The following ANKS1B variants were observed in gnomAD, a reference collection of about 807,000 sequenced individuals.
ANKS1B encodes ankyrin repeat and sterile alpha motif domain-containing protein 1B.
In ANKS1B, 36 loss-of-function variants were observed where a neutral mutation model predicts 148.3. The observed-to-expected ratio is 0.24, with a 90% CI of 0.19 to 0.32. The LOEUF (loss-of-function observed/expected upper bound fraction) is 0.32. Ranked by LOEUF, ANKS1B falls within the 10% of genes least tolerant of loss-of-function variation. The pLI is 1.00. For synonymous variants in ANKS1B, 542 were observed against 560.8 expected (o/e 0.97, Z 0.47); for missense variants, 1,157 against 1,542.6 (o/e 0.75, Z 4.19).
intron 17 of ANKS1B, among the ~76,000 whole-genome samples, chr12:98,967,092 G>A (rs1050391668): frequency 2.0e-5 from 3 of 152,108 alleles, no homozygotes; most frequent in African/African-American, 7.2e-5. Context: ...TGCCAAGTGT[G>A]GAATCACCAC....
chr12:99,285,351 A>T (rs2078992125), intron 12 of ANKS1B, among the ~76,000 whole-genome samples: 1 of 152,182 alleles, frequency 6.6e-6, no homozygotes, highest in Non-Finnish European at 1.5e-5. Context: ...TAATTTATTT[A>T]TCCATTCACC....
chr12:99,241,986 C>T (rs896530939), intron 14 of ANKS1B, among the ~76,000 whole-genome samples: 40 of 152,180 alleles, frequency 2.6e-4, no homozygotes, highest in African/African-American at 8.9e-4. Context: ...TGAAAACCGG[C>T]GAAAGACAGG....
chr12:99,002,795 T>C (rs910172932), intron 17 of ANKS1B, among the ~76,000 whole-genome samples: 8 of 152,204 alleles, frequency 5.3e-5, no homozygotes, highest in Admixed American at 1.3e-4. Flanking sequence ...GGTAGTTTTT[T>C]TCATTCTGTT....
At position 98,885,092 on chromosome 12, in the gene ANKS1B, C is replaced by G. The variant is rs1377694356; in HGVS notation, c.2779-52956G>C. Among the ~76,000 whole-genome samples, 3 of 152,114 alleles carry G rather than the reference C, an allele frequency of 2.0e-5. No homozygotes were observed. In the East Asian group the frequency reaches 5.8e-4, roughly 29 times the overall value. On this transcript the variant is annotated intron_variant, in intron 17 of 26. Coordinates refer to ENST00000683438, the MANE Select transcript of ANKS1B (RefSeq NM_001352186.2). ...CTCATCTTTCACATTAATTCATTAGCAAGATCTCTAGGTTCCATCTCTAAA... is the reference window on the plus strand; with the variant it reads ...CTCATCTTTCACATTAATTCATTAGGAAGATCTCTAGGTTCCATCTCTAAA...
intron 12 of ANKS1B, among the ~76,000 whole-genome samples, chr12:99,332,248 TC>T (rs1285653158): frequency 1.3e-5 from 2 of 152,072 alleles, no homozygotes; most frequent in African/African-American, 2.4e-5. Flanking sequence ...CGTAGATGAT[TC>T]ATGCGCACAT....
At chr12:98,914,028 G>C (rs932109188) in intron 17 of ANKS1B, among the ~76,000 whole-genome samples, 1 of 152,102 alleles carries the variant, frequency 6.6e-6, no homozygotes, top group Admixed American at 6.6e-5. Flanking sequence ...TATGTGATAT[G>C]GTTTGGATAT....
intron 16 of ANKS1B, among the ~76,000 whole-genome samples, chr12:99,055,635 C>G (rs577019625): frequency 5.3e-5 from 8 of 152,028 alleles, no homozygotes; most frequent in Non-Finnish European, 1.0e-4. Flanking sequence ...GTTTGCTTGT[C>G]CCTCCAATCC....
intron 14 of ANKS1B, among the ~76,000 whole-genome samples, chr12:99,231,175 T>G (rs1259769115): frequency 6.6e-6 from 1 of 152,138 alleles, no homozygotes; most frequent in Non-Finnish European, 1.5e-5. Flanking sequence ...TTCAGGGCTA[T>G]GACTCATTTA....
chr12:99,382,150 G>C (rs1034995593), intron 12 of ANKS1B, among the ~76,000 whole-genome samples: 3 of 152,244 alleles, frequency 2.0e-5, no homozygotes, highest in African/African-American at 4.8e-5. Flanking sequence ...TCACACACAG[G>C]GTAGAGAAAA....
intron 1 of ANKS1B, among the ~76,000 whole-genome samples, chr12:99,915,437 A>G (rs760747642): frequency 3.3e-5 from 5 of 152,150 alleles, no homozygotes; most frequent in Non-Finnish European, 7.4e-5. Flanking sequence ...GTGCTTTCAT[A>G]TGGAGGCAAT....
chr12:98,903,174 A>G (rs2099774458), intron 17 of ANKS1B, among the ~76,000 whole-genome samples: 1 of 152,164 alleles, frequency 6.6e-6, no homozygotes, highest in Non-Finnish European at 1.5e-5. Context: ...GGTTGGGATA[A>G]TTGAATCTTA....
At chr12:99,969,247 T>C (rs981825029) in intron 1 of ANKS1B, among the ~76,000 whole-genome samples, 5 of 152,262 alleles carry the variant, frequency 3.3e-5, no homozygotes, top group African/African-American at 4.8e-5. Context: ...GGCATGATCA[T>C]AGCTCACTGT....
At chr12:99,369,960 T>C (rs1214389668) in intron 12 of ANKS1B, among the ~76,000 whole-genome samples, 1 of 152,186 alleles carries the variant, frequency 6.6e-6, no homozygotes, top group Non-Finnish European at 1.5e-5. Context: ...AATTACACTG[T>C]TCTTTCAACT....
At position 98,745,528 on chromosome 12, in the gene ANKS1B, C is replaced by T; in HGVS notation, c.*211G>A. 2 of 1,325,990 alleles carry T rather than the reference C, an allele frequency of 1.5e-6. No individual in the cohort carries two copies. Among genetic ancestry groups the T allele is most frequent in the East Asian group, 3.3e-5 (1 of 30,448 alleles). 82.1% of individuals were successfully genotyped at this position (1,325,990 alleles called of 1,614,324 possible). On this transcript the variant is annotated 3_prime_UTR_variant, in exon 27 of 27. Transcript: ENST00000683438. ...GGAAAACCCATCTCAACTCACGCCTCTCAGGGGTTGCGACTGGAAAGTCTT... is the reference window on the plus strand; with the variant it reads ...GGAAAACCCATCTCAACTCACGCCTTTCAGGGGTTGCGACTGGAAAGTCTT...
chr12:98,773,042 C>T lies in ANKS1B; in HGVS notation c.3579G>A (p.Val1193=). 6.2e-7 allele frequency: 1 copy of T among 1,613,834 alleles called. No homozygotes were observed. The highest frequency in any genetic ancestry group is 8.5e-7 in the Non-Finnish European group (1 of 1,179,850). The part of the protein sequence containing the change: ...HYCHVFTAFD[V]NLAYEIILTL... Reference sequence around the variant, plus strand: ...CTGTTGAAAGGGGGTGGGTACTCACCACATCAAAGGCAGTAAACACATGAC... The same window carrying T: ...CTGTTGAAAGGGGGTGGGTACTCACTACATCAAAGGCAGTAAACACATGAC... The change falls in exon 25 of 27, where the codon GTG becomes GTA. Residue 1193 remains valine (V), a splice_region_variant and synonymous_variant. Transcript: ENST00000683438.
At chr12:99,225,102 T>C (rs1049227619) in intron 14 of ANKS1B, among the ~76,000 whole-genome samples, 6 of 152,190 alleles carry the variant, frequency 3.9e-5, no homozygotes, top group Non-Finnish European at 7.3e-5. Flanking sequence ...GCACTACTTA[T>C]CACTGTATAC....
intron 12 of ANKS1B, among the ~76,000 whole-genome samples, chr12:99,330,164 A>G (rs575365567): frequency 6.6e-6 from 1 of 152,106 alleles, no homozygotes; most frequent in African/African-American, 2.4e-5. Flanking sequence ...TCCAAGGGCT[A>G]TGGACTAGGG....
chr12:99,415,808 T>C (rs919734905), intron 11 of ANKS1B, among the ~76,000 whole-genome samples: 6 of 152,010 alleles, frequency 3.9e-5, no homozygotes, highest in Admixed American at 3.9e-4. Context: ...CTCAGCCTCC[T>C]AAGTAGCTGG....
At chr12:99,707,141 C>T (rs746981106) in intron 8 of ANKS1B, among the ~76,000 whole-genome samples, 1 of 152,072 alleles carries the variant, frequency 6.6e-6, no homozygotes, top group African/African-American at 2.4e-5. Context: ...GATTTGAGCA[C>T]CTCTCCAACT....
Sources: allele counts gnomAD v4.1 joint callset (sites outside exome capture counted in the v4.1 genomes callset), GRCh38; gene constraint gnomAD v4.1.1; transcripts MANE v1.5; gene names NCBI Gene and HGNC (gene_info 2026-07-23, HGNC 2026-07-21).